The following PCDHGC3 variants were observed in gnomAD, a reference collection of about 807,000 sequenced individuals.
PCDHGC3 encodes the protein protocadherin gamma subfamily C, 3, also known as protocadherin gamma-C3.
A neutral mutation model predicts 59.2 loss-of-function variants in PCDHGC3; 26 were observed. The observed-to-expected ratio is 0.44, with a 90% CI of 0.32 to 0.61. The LOEUF (loss-of-function observed/expected upper bound fraction) is 0.61, where lower values mean the gene tolerates loss of function less well. Ranked by LOEUF, PCDHGC3 falls within the 20% of genes least tolerant of loss-of-function variation. The probability of loss-of-function intolerance (pLI) is 0.05; values close to 1 mark genes in which losing one functional copy is unlikely to be tolerated. For synonymous variants in PCDHGC3, 487 were observed against 519.7 expected (o/e 0.94, Z 0.86); for missense variants, 1,080 against 1,221.8 (o/e 0.88, Z 1.73).
In PCDHGC3 at chr5:141,478,418, C is replaced by A; in HGVS notation, c.2302C>A (p.Arg768Ser). ...HQVYLTTDSRRSDPLLKKPGA... is the reference protein window; with the variant it reads ...HQVYLTTDSRSSDPLLKKPGA... ...GGTGTATCTCACCACGGACTCCCGCCGCAGCGACCCGCTGCTGAAGAAACC... is the reference window on the plus strand; with the variant it reads ...GGTGTATCTCACCACGGACTCCCGCAGCAGCGACCCGCTGCTGAAGAAACC... Residue 768 changes from arginine to serine, a missense_variant, in exon 1 of 4, where the codon CGC becomes AGC. By Grantham distance (110) the Arg-to-Ser change is moderately radical. Transcript: ENST00000308177. The A allele has an allele frequency of 6.2e-7, 1 of 1,613,650 alleles. No individual in the cohort carries two copies. The highest frequency in any genetic ancestry group is 8.5e-7 in the Non-Finnish European group (1 of 1,180,014).
chr5:141,476,053 A>G lies in PCDHGC3; in HGVS notation c.-64A>G. 2 of 1,501,944 alleles carry G rather than the reference A, an allele frequency of 1.3e-6. No homozygotes were observed. Among genetic ancestry groups the G allele is most frequent in the Non-Finnish European group, 1.8e-6 (2 of 1,131,392 alleles). 93.0% of individuals were successfully genotyped at this position (1,501,944 alleles called of 1,614,324 possible). ...CAGCGCCCAAGCGCTAACCCGCTGA[A>G]AGTTTCTCAGCGAAATCTCAGGGAC... On this transcript the variant is annotated 5_prime_UTR_variant, in exon 1 of 4. Coordinates refer to ENST00000308177, the MANE Select transcript of PCDHGC3 (RefSeq NM_002588.4). The surrounding 1 kb of genome is among the most constrained non-coding windows in gnomAD (Gnocchi z 7.6).
Position 141,510,938 on chromosome 5 carries a change from T to A in PCDHGC3, c.2579-9T>A. 1 of 1,614,026 alleles carries A rather than the reference T, an allele frequency of 6.2e-7. No homozygotes were observed. Among genetic ancestry groups the A allele is most frequent in the Non-Finnish European group, 8.5e-7 (1 of 1,179,984 alleles). ...TTAGCTCCCACCTGATCTTCCTCTG[T>A]CTCTGCAGAAGCTGCTGATGGGAGC... On this transcript the variant is annotated splice_polypyrimidine_tract_variant and intron_variant, in intron 3 of 3. Coordinates refer to ENST00000308177, the MANE Select transcript of PCDHGC3 (RefSeq NM_002588.4).
rs111842066 is a variant in PCDHGC3, at chr5:141,486,269, G to A, written c.2430+7723G>A. 6.2e-7 allele frequency: 1 copy of A among 1,613,996 alleles called. No homozygotes were observed. Reference sequence around the variant, plus strand: ...AACCCTCCCCGAGAGTGCAGAACCTGGCACTGTGGTGGCACTTATCAGTGT... The same window carrying A: ...AACCCTCCCCGAGAGTGCAGAACCTAGCACTGTGGTGGCACTTATCAGTGT... On this transcript the variant is annotated intron_variant, in intron 1 of 3. Transcript: ENST00000308177. This position sits in a 1 kb window ranked among gnomAD's most constrained non-coding sequence, Gnocchi z 5.0.
chr5:141,501,390 T>TCAC (rs1033806087), intron 2 of PCDHGC3, among the ~76,000 whole-genome samples: 4 of 151,794 alleles, frequency 2.6e-5, no homozygotes, highest in African/African-American at 9.7e-5. Flanking sequence ...CTAGGTCCTG[T>TCAC]CACAGGCCAC....
Position 141,477,016 on chromosome 5 carries a change from A to G in PCDHGC3, c.900A>G (p.Val300=), listed in dbSNP as rs2099403497. The part of the protein sequence containing the change: ...GVRQLFALDL[V]TGMLTIKGRL... Reference sequence around the variant, plus strand: ...GGCAACTATTCGCCTTAGACCTTGTAACCGGGATGCTGACAATCAAGGGTC... The same window carrying G: ...GGCAACTATTCGCCTTAGACCTTGTGACCGGGATGCTGACAATCAAGGGTC... The change falls in exon 1 of 4, where the codon GTA becomes GTG. Residue 300 remains valine, a synonymous_variant. Transcript: ENST00000308177. The surrounding 1 kb of genome is among the most constrained non-coding windows in gnomAD (Gnocchi z 4.9). 4.3e-6 allele frequency: 7 copies of G among 1,614,130 alleles called. No homozygotes were observed. The highest frequency in any genetic ancestry group is 5.9e-6 in the Non-Finnish European group (7 of 1,180,050).
chr5:141,490,942 C>A lies in PCDHGC3; in HGVS notation c.2431-3865C>A, dbSNP rs371286343. On this transcript the variant is annotated intron_variant, in intron 1 of 3. Coordinates refer to ENST00000308177, the MANE Select transcript of PCDHGC3 (RefSeq NM_002588.4). This position sits in a 1 kb window ranked among gnomAD's most constrained non-coding sequence, Gnocchi z 5.4. ...TAATGCCCCAGCTGTGCTGCACCCA[C>A]GGCCAGACTGGGAACACTCAGCCCC... The A allele has an allele frequency of 3.0e-5, 49 of 1,613,526 alleles. No individual in the cohort carries two copies. The highest frequency in any genetic ancestry group is 4.1e-5 in the Non-Finnish European group (48 of 1,179,768).
In PCDHGC3 at chr5:141,511,173, A is replaced by T. The variant is rs1384881403; in HGVS notation, c.2805A>T (p.Ter935TyrextTer31). ...AGTCGGGCAAGAAGGAGAAGAAGTA[A>T]CATGGAGGCCAGGCCAAGAGCCACA... ...KKKSGKKEKK[*>Y] Residue 935 changes from the stop codon to tyrosine, a stop_lost, in exon 4 of 4, where the codon TAA (stop) becomes TAT (tyrosine). Coordinates refer to ENST00000308177, the MANE Select transcript of PCDHGC3 (RefSeq NM_002588.4). 6.2e-7 allele frequency: 1 copy of T among 1,614,132 alleles called. No homozygotes were observed.
chr5:141,497,775 A>G (rs2099779384), intron 2 of PCDHGC3, among the ~76,000 whole-genome samples: 2 of 152,054 alleles, frequency 1.3e-5, no homozygotes, highest in South Asian at 4.2e-4. Context: ...CCCGACCTCA[A>G]CTGATCCACC....
intron 2 of PCDHGC3, among the ~76,000 whole-genome samples, chr5:141,497,487 T>TCTCTCTCTC (rs1223198472): frequency 1.3e-5 from 2 of 151,562 alleles, no homozygotes; most frequent in Non-Finnish European, 2.9e-5. Flanking sequence ...GCGGAACCTC[T>TCTCTCTCTC]CTCTCTCTCC....
chr5:141,480,336 G>A (rs755963190), intron 1 of PCDHGC3, among the ~76,000 whole-genome samples: 1 of 151,988 alleles, frequency 6.6e-6, no homozygotes, highest in Non-Finnish European at 1.5e-5. Flanking sequence ...AATTGCTTGA[G>A]CCTGGGAGGT....
rs889945954 is a variant in PCDHGC3, at chr5:141,489,368, C to A, written c.2431-5439C>A. The A allele has an allele frequency of 2.5e-6, 4 of 1,613,384 alleles. No homozygotes were observed. Among genetic ancestry groups the A allele is most frequent in the Non-Finnish European group, 3.4e-6 (4 of 1,179,478 alleles). On this transcript the variant is annotated intron_variant, in intron 1 of 3. Coordinates refer to ENST00000308177, the MANE Select transcript of PCDHGC3 (RefSeq NM_002588.4). The surrounding 1 kb of genome is among the most constrained non-coding windows in gnomAD (Gnocchi z 4.5). ...GTGGTGGAGGAGTCTGAGCCGGGGA[C>A]GCTGGTGGGGAATGTTGCTCAGGAT...
At position 141,476,161 on chromosome 5, in the gene PCDHGC3, G is replaced by A. The variant is rs748660112; in HGVS notation, c.45G>A (p.Arg15=). 21 of 1,613,012 alleles carry A rather than the reference G, an allele frequency of 1.3e-5. No homozygotes were observed. Among genetic ancestry groups the A allele is most frequent in the Non-Finnish European group, 1.8e-5 (21 of 1,179,922 alleles). Residue 15 remains arginine (R), a synonymous_variant, in exon 1 of 4, where the codon AGG becomes AGA. Transcript: ENST00000308177. The surrounding 1 kb of genome is among the most constrained non-coding windows in gnomAD (Gnocchi z 7.6). ...AWRSGLVSTG[R]VVGVLLLLGA... is the part of the protein sequence containing the mutation. ...GGAGCGGACTGGTAAGCACCGGGAG[G>A]GTAGTGGGAGTTTTGCTTCTGCTTG... is the stretch of plus-strand genomic sequence containing the variant.
intron 1 of PCDHGC3, among the ~76,000 whole-genome samples, chr5:141,483,709 G>A (rs1486825412): frequency 1.3e-5 from 2 of 152,036 alleles, no homozygotes; most frequent in Non-Finnish European, 2.9e-5. Flanking sequence ...TTTGACACCA[G>A]AATATTGGTT....
chr5:141,494,048 G>C (rs764072099), intron 1 of PCDHGC3, among the ~76,000 whole-genome samples: 3 of 152,148 alleles, frequency 2.0e-5, no homozygotes, highest in Non-Finnish European at 2.9e-5. Flanking sequence ...GGCCCTGCTT[G>C]GAGGCTGTGG....
At chr5:141,480,894 C>CA (rs1235468010) in intron 1 of PCDHGC3, among the ~76,000 whole-genome samples, 15 of 151,848 alleles carry the variant, frequency 9.9e-5, no homozygotes, top group African/African-American at 3.4e-4. Context: ...AAAATGCAAA[C>CA]ATTAGCTGGG....
chr5:141,499,634 C>A (rs1194596079), intron 2 of PCDHGC3, among the ~76,000 whole-genome samples: 1 of 151,220 alleles, frequency 6.6e-6, no homozygotes, highest in Non-Finnish European at 1.5e-5. Flanking sequence ...TCTTTTGAAG[C>A]AAATCTCAGA....
In PCDHGC3 at chr5:141,485,042, C is replaced by T; in HGVS notation, c.2430+6496C>T. ...CAGCAAAAACGGCGCGTAACCCTTGCGGCGCCGGCCGAACCGCGCCAGAGC... is the reference window on the plus strand; with the variant it reads ...CAGCAAAAACGGCGCGTAACCCTTGTGGCGCCGGCCGAACCGCGCCAGAGC... On this transcript the variant is annotated intron_variant, in intron 1 of 3. Coordinates refer to ENST00000308177, the MANE Select transcript of PCDHGC3 (RefSeq NM_002588.4). This position sits in a 1 kb window ranked among gnomAD's most constrained non-coding sequence, Gnocchi z 5.7. 1 of 724,054 alleles carries T rather than the reference C, an allele frequency of 1.4e-6. No individual in the cohort carries two copies. Among genetic ancestry groups the T allele is most frequent in the South Asian group, 1.8e-5 (1 of 56,650 alleles). 44.9% of individuals were successfully genotyped at this position (724,054 alleles called of 1,614,324 possible). A position where few individuals can be genotyped will look rare whatever the true frequency, so the allele number is the denominator to read the frequency against.
At position 141,477,505 on chromosome 5, in the gene PCDHGC3, C is replaced by T. The variant is rs2099412175; in HGVS notation, c.1389C>T (p.Asp463=). The T allele has an allele frequency of 5.0e-6, 8 of 1,614,126 alleles. No individual in the cohort carries two copies. Among genetic ancestry groups the T allele is most frequent in the Admixed American group, 1.7e-5 (1 of 60,024 alleles). Residue 463 remains aspartate, a synonymous_variant, in exon 1 of 4, where the codon GAC becomes GAT. Transcript: ENST00000308177. This position sits in a 1 kb window ranked among gnomAD's most constrained non-coding sequence, Gnocchi z 4.9. ...CACAATCTTCTCAATCTTCCTACGACGTTTACATTGAAGAAAACAACCTCC... is the reference window on the plus strand; with the variant it reads ...CACAATCTTCTCAATCTTCCTACGATGTTTACATTGAAGAAAACAACCTCC... ...NPPQSSQSSY[D]VYIEENNLPG...
chr5:141,505,592 A>T, intron 3 of PCDHGC3, 111 bp downstream of exon 3: 2 of 1,567,266 alleles, frequency 1.3e-6, no homozygotes, highest in Admixed American at 3.6e-5. Flanking sequence ...GTTTCTCCAG[A>T]TCTTTCGGCA....
Sources: allele counts gnomAD v4.1 joint callset (sites outside exome capture counted in the v4.1 genomes callset), GRCh38; gene constraint gnomAD v4.1.1; non-coding constraint Gnocchi (gnomAD v3.1); transcripts MANE v1.5; gene names NCBI Gene and HGNC (gene_info 2026-07-23, HGNC 2026-07-21).